Variants in DACH2 observed in about 807,000 individuals in gnomAD.
DACH2 encodes dachshund homolog 2.
DACH2 carries 17 observed loss-of-function variants against 35.8 expected under a neutral mutation model. That is an observed-to-expected ratio of 0.48 (90% CI 0.33 to 0.71). The LOEUF is 0.71. DACH2 is among the 30% of genes least tolerant of loss of function. The pLI, the probability that DACH2 is intolerant of heterozygous loss-of-function variation, is 0.02. For missense variants in DACH2, 469 were observed against 472.7 expected, an observed-to-expected ratio of 0.99 and a Z score of 0.07; for synonymous variants, 195 against 177.3, an observed-to-expected ratio of 1.10 and a Z score of -0.79.
chrX:86,282,264 T>G (rs2034044640), intron 1 of DACH2, among the ~76,000 whole-genome samples: 1 of 111,671 alleles, frequency 9.0e-6, no homozygotes, highest in Non-Finnish European at 1.9e-5. Flanking sequence ...ACTACAAGGC[T>G]ACAGTAACCA....
intron 9 of DACH2, 150 bp from the exon 10 acceptor site, chrX:86,814,538 C>A (rs1251390234): frequency 1.8e-6 from 1 of 552,692 alleles, no homozygotes. Context: ...CCCTAATGAG[C>A]ATTAGTACCA....
At chrX:86,178,825 G>T (rs1356324342) in intron 1 of DACH2, among the ~76,000 whole-genome samples, 1 of 111,287 alleles carries the variant, frequency 9.0e-6, no homozygotes, top group Non-Finnish European at 1.9e-5. Flanking sequence ...TTCTGAAATT[G>T]GTGCTCACAC....
intron 2 of DACH2, among the ~76,000 whole-genome samples, chrX:86,466,736 G>A (rs1446546441): frequency 9.0e-6 from 1 of 111,633 alleles, no homozygotes; most frequent in Non-Finnish European, 1.9e-5. Context: ...TCTAGGTGGA[G>A]GTTCCCAAAC....
At chrX:86,164,281 G>C (rs1445227400) in intron 1 of DACH2, among the ~76,000 whole-genome samples, 1 of 110,035 alleles carries the variant, frequency 9.1e-6, no homozygotes, top group Non-Finnish European at 1.9e-5. Flanking sequence ...TTAATGGAGT[G>C]GTTTGTTTTT....
chrX:86,286,499 G>A (rs1025348241), intron 1 of DACH2, among the ~76,000 whole-genome samples: 11 of 110,714 alleles, frequency 9.9e-5, no homozygotes, highest in African/African-American at 3.6e-4. Context: ...TTTGTTGTTT[G>A]ATTTTTGGTA....
At chrX:86,691,830 CAGAT>C (rs1262352534) in intron 4 of DACH2, among the ~76,000 whole-genome samples, 1 of 111,637 alleles carries the variant, frequency 9.0e-6, no homozygotes, top group African/African-American at 3.3e-5. Flanking sequence ...GACAGACAGA[CAGAT>C]AGATAGGATG....
chrX:86,823,465 A>G (rs778886975), intron 11 of DACH2, among the ~76,000 whole-genome samples: 1 of 109,634 alleles, frequency 9.1e-6, no homozygotes, highest in Admixed American at 9.7e-5. Flanking sequence ...TTTGAAAATT[A>G]ACATTGGTAA....
chrX:86,599,457 C>CTTTT (rs2039758194), intron 3 of DACH2, among the ~76,000 whole-genome samples: 1 of 56,530 alleles, frequency 1.8e-5, no homozygotes, highest in African/African-American at 7.5e-5. Flanking sequence ...TCCCTTCCTT[C>CTTTT]CTTCCTTCTT....
intron 4 of DACH2, among the ~76,000 whole-genome samples, chrX:86,673,035 G>A (rs2040783719): frequency 8.9e-6 from 1 of 112,014 alleles, no homozygotes; most frequent in Non-Finnish European, 1.9e-5. Flanking sequence ...GAGACACGGA[G>A]TCAAAGAAGA....
chrX:86,317,768 T>C (rs956844914), intron 1 of DACH2, among the ~76,000 whole-genome samples: 7 of 111,420 alleles, frequency 6.3e-5, no homozygotes, highest in Non-Finnish European at 9.4e-5. Context: ...CATGGGTTTG[T>C]ACCTTCAAAT....
At chrX:86,701,540 G>T (rs887424031) in intron 5 of DACH2, among the ~76,000 whole-genome samples, 2 of 111,418 alleles carry the variant, frequency 1.8e-5, no homozygotes, top group Admixed American at 9.6e-5. Flanking sequence ...GAAATCAAAG[G>T]CATCCAAAAA....
intron 3 of DACH2, among the ~76,000 whole-genome samples, chrX:86,601,973 AATAAAC>A (rs746797727): frequency 1.1e-4 from 12 of 112,281 alleles, no homozygotes; most frequent in Non-Finnish European, 2.3e-4. Context: ...TCACCACAAA[AATAAAC>A]ATAAAGAATA....
At chrX:86,230,936 G>A (rs2032935583) in intron 1 of DACH2, among the ~76,000 whole-genome samples, 1 of 111,964 alleles carries the variant, frequency 8.9e-6, no homozygotes, top group Admixed American at 9.4e-5. Context: ...CAAAGAACCA[G>A]CTTCTTGTTT....
intron 1 of DACH2, among the ~76,000 whole-genome samples, chrX:86,293,525 T>A (rs2034360973): frequency 9.1e-6 from 1 of 110,416 alleles, no homozygotes; most frequent in African/African-American, 3.3e-5. Flanking sequence ...GTCTCGATGG[T>A]CTTTACATTT....
chrX:86,786,952 G>T (rs953519106), intron 7 of DACH2, among the ~76,000 whole-genome samples: 4 of 111,041 alleles, frequency 3.6e-5, no homozygotes, highest in African/African-American at 9.8e-5. Context: ...GAGATCTGAT[G>T]GTTTTATAAG....
intron 2 of DACH2, among the ~76,000 whole-genome samples, chrX:86,395,034 T>C (rs1001851870): frequency 1.8e-5 from 2 of 111,939 alleles, no homozygotes; most frequent in Non-Finnish European, 3.8e-5. Flanking sequence ...GAACTGCCAT[T>C]GGAAACAACT....
intron 1 of DACH2, among the ~76,000 whole-genome samples, chrX:86,240,004 G>A (rs1249387661): frequency 9.0e-6 from 1 of 111,566 alleles, no homozygotes; most frequent in Non-Finnish European, 1.9e-5. Flanking sequence ...GAGTGTAGAG[G>A]CCTCTGGCTG....
intron 3 of DACH2, among the ~76,000 whole-genome samples, chrX:86,629,609 T>C (rs972246315): frequency 9.0e-6 from 1 of 110,944 alleles, no homozygotes; most frequent in African/African-American, 3.3e-5. Context: ...TGGGCTGGGT[T>C]CGGTGGCTCA....
intron 3 of DACH2, among the ~76,000 whole-genome samples, chrX:86,554,732 A>AT (rs1302592342): frequency 9.0e-6 from 1 of 111,253 alleles, no homozygotes; most frequent in Non-Finnish European, 1.9e-5. Flanking sequence ...TCCAAGGAAT[A>AT]TTTTTTCTTC....
Sources: allele counts gnomAD v4.1 joint callset (sites outside exome capture counted in the v4.1 genomes callset), GRCh38; gene constraint gnomAD v4.1.1; transcripts MANE v1.5; gene names NCBI Gene and HGNC (gene_info 2026-07-23, HGNC 2026-07-21).